The following SENP7 variants were observed in gnomAD, a reference collection of about 807,000 sequenced individuals.
SENP7 encodes the protein SUMO specific peptidase 7.
A neutral mutation model predicts 141.2 loss-of-function variants in SENP7; 64 were observed. The observed-to-expected ratio is 0.45, with a 90% CI of 0.37 to 0.56. The LOEUF (loss-of-function observed/expected upper bound fraction) is 0.56. Among genes scored for constraint, SENP7 ranks in the 20% least tolerant of loss-of-function variants. The pLI is 0.00. For missense variants in SENP7, 1,025 were observed against 1,212.2 expected, an observed-to-expected ratio of 0.85 and a Z score of 2.29; for synonymous variants, 382 against 426.4, an observed-to-expected ratio of 0.90 and a Z score of 1.28.
intron 10 of SENP7, among the ~76,000 whole-genome samples, chr3:101,364,152 A>G (rs953399443): frequency 3.9e-5 from 6 of 152,086 alleles, no homozygotes; most frequent in Admixed American, 3.9e-4. Context: ...GCTTGAGCCC[A>G]AGAGGTTGAG....
At chr3:101,357,707 T>C in intron 11 of SENP7, 1 of 695,692 alleles carries the variant, frequency 1.4e-6, no homozygotes, top group Non-Finnish European at 2.6e-6. Context: ...TGTGAAAGTC[T>C]CTCATAAATT....
Position 101,424,731 on chromosome 3 carries a change from G to A in SENP7, c.285-6941C>T, listed in dbSNP as rs940373036. On this transcript the variant is annotated intron_variant, in intron 4 of 23. Transcript: ENST00000394095. ...CCTGCTCCCCATCAGCCACATTGCC[G>A]CTGCCACTGTGGTGAACACTCATAT... Among the ~76,000 whole-genome samples, 6 of 152,022 alleles carry A rather than the reference G, an allele frequency of 3.9e-5. No homozygotes were observed. In the East Asian group the frequency reaches 5.8e-4, roughly 15 times the overall value.
intron 23 of SENP7, 46 bp downstream of exon 23, chr3:101,327,620 T>C (rs2107180479): frequency 6.8e-7 from 1 of 1,477,152 alleles, no homozygotes; most frequent in Non-Finnish European, 9.2e-7. Context: ...CTTGTGACCG[T>C]ATGGTGGTAA....
intron 1 of SENP7, among the ~76,000 whole-genome samples, chr3:101,511,803 T>G (rs988037080): frequency 1.3e-5 from 2 of 151,720 alleles, no homozygotes; most frequent in African/African-American, 4.8e-5. Context: ...TTGGAATTGG[T>G]TTTTTTTGTT....
intron 1 of SENP7, among the ~76,000 whole-genome samples, chr3:101,508,296 T>G (rs2065709463): frequency 6.6e-6 from 1 of 151,974 alleles, no homozygotes; most frequent in Non-Finnish European, 1.5e-5. Flanking sequence ...CAATACGCAT[T>G]CAAGAATGGC....
chr3:101,334,054 G>C (rs1427158628), intron 17 of SENP7, among the ~76,000 whole-genome samples: 2 of 152,090 alleles, frequency 1.3e-5, no homozygotes, highest in African/African-American at 4.8e-5. Flanking sequence ...AGTATCTAAC[G>C]CTGCCACTGA....
At chr3:101,429,135 G>C (rs996571715) in intron 4 of SENP7, among the ~76,000 whole-genome samples, 5 of 152,136 alleles carry the variant, frequency 3.3e-5, no homozygotes, top group African/African-American at 1.2e-4. Context: ...GATGCCTCCA[G>C]CTTTGTTCTT....
chr3:101,496,492 T>C (rs2065162372), intron 2 of SENP7, among the ~76,000 whole-genome samples: 1 of 151,878 alleles, frequency 6.6e-6, no homozygotes, highest in Non-Finnish European at 1.5e-5. Context: ...CTGGGCTCTG[T>C]GGCTCAAGCA....
chr3:101,468,055 A>G (rs1005493052), intron 3 of SENP7, among the ~76,000 whole-genome samples: 1 of 152,212 alleles, frequency 6.6e-6, no homozygotes, highest in Non-Finnish European at 1.5e-5. Flanking sequence ...GAGCTTCGTG[A>G]CACATGCACA....
At chr3:101,407,356 C>G (rs1029652684) in intron 5 of SENP7, among the ~76,000 whole-genome samples, 2 of 152,170 alleles carry the variant, frequency 1.3e-5, no homozygotes, top group Admixed American at 1.3e-4. Context: ...CAATATTCCA[C>G]TCACAGCACT....
intron 1 of SENP7, among the ~76,000 whole-genome samples, chr3:101,502,285 A>G (rs2065413506): frequency 6.6e-6 from 1 of 152,148 alleles, no homozygotes; most frequent in East Asian, 1.9e-4. Context: ...ACCACACTGG[A>G]TTAGCATGTT....
At chr3:101,502,713 G>A (rs760807728) in intron 1 of SENP7, among the ~76,000 whole-genome samples, 2 of 152,076 alleles carry the variant, frequency 1.3e-5, no homozygotes, top group South Asian at 2.1e-4. Flanking sequence ...CCAGGAGTTC[G>A]AGACCAGCCT....
At chr3:101,343,604 A>T (rs2059383243) in intron 14 of SENP7, 82 bp downstream of exon 14, 1 of 1,401,680 alleles carries the variant, frequency 7.1e-7, no homozygotes, top group Non-Finnish European at 9.6e-7. Flanking sequence ...AAAATGTAGC[A>T]TTTGAAAGCA....
intron 4 of SENP7, among the ~76,000 whole-genome samples, chr3:101,437,817 T>C (rs953153039): frequency 6.6e-6 from 1 of 151,508 alleles, no homozygotes; most frequent in Admixed American, 6.6e-5. Flanking sequence ...GATATATGAA[T>C]CTCTAATAAA....
At chr3:101,391,810 C>T (rs1443084852) in intron 6 of SENP7, among the ~76,000 whole-genome samples, 1 of 152,118 alleles carries the variant, frequency 6.6e-6, no homozygotes, top group East Asian at 1.9e-4. Context: ...ATATGAGCAA[C>T]ACAGATGCAA....
chr3:101,369,573 T>C (rs2060125329), intron 7 of SENP7, among the ~76,000 whole-genome samples: 2 of 152,294 alleles, frequency 1.3e-5, no homozygotes, highest in South Asian at 4.1e-4. Context: ...GGATAGCACA[T>C]TAAATTTTAT....
At chr3:101,346,999 A>C (rs2059477973) in intron 13 of SENP7, among the ~76,000 whole-genome samples, 2 of 151,734 alleles carry the variant, frequency 1.3e-5, no homozygotes, top group South Asian at 4.2e-4. Context: ...GGAAGGAGGA[A>C]GAAAGAGGAG....
intron 19 of SENP7, 143 bp from the exon 20 acceptor site, chr3:101,330,529 T>G (rs1386093396): frequency 4.0e-6 from 2 of 501,586 alleles, no homozygotes; most frequent in Admixed American, 3.9e-5. Context: ...TCATGATTAA[T>G]GTTATGAATA....
chr3:101,339,810 AC>A (rs1213909121), intron 16 of SENP7, among the ~76,000 whole-genome samples: 2 of 152,152 alleles, frequency 1.3e-5, no homozygotes, highest in Non-Finnish European at 2.9e-5. Context: ...AACTTCTTTC[AC>A]CACCATAATA....
Sources: allele counts gnomAD v4.1 joint callset (sites outside exome capture counted in the v4.1 genomes callset), GRCh38; gene constraint gnomAD v4.1.1; transcripts MANE v1.5; gene names NCBI Gene and HGNC (gene_info 2026-07-23, HGNC 2026-07-21).